The following CEP83 variants were observed in gnomAD, a reference collection of about 807,000 sequenced individuals.
The protein encoded by CEP83 is centrosomal protein 83.
Under a neutral mutation model 101.9 loss-of-function variants are expected in CEP83, and 70 were observed. That is an observed-to-expected ratio of 0.69 (90% CI 0.57 to 0.84). CEP83 has a LOEUF of 0.84. CEP83 is among the 40% of genes least tolerant of loss of function. CEP83 has a pLI of 0.00. For synonymous variants in CEP83, 264 were observed against 267.9 expected (o/e 0.99, Z 0.14); for missense variants, 715 against 787.2 (o/e 0.91, Z 1.10).
At chr12:94,329,053 G>A (rs7305280) in intron 14 of CEP83, among the ~76,000 whole-genome samples, 3,931 of 152,218 alleles carry the variant, frequency 0.026, 187 homozygotes, top group African/African-American at 0.09. Flanking sequence ...GTCCCACATA[G>A]TAGGACAATT....
intron 2 of CEP83, among the ~76,000 whole-genome samples, chr12:94,425,281 A>G (rs2065109083): frequency 6.6e-6 from 1 of 152,196 alleles, no homozygotes; most frequent in Non-Finnish European, 1.5e-5. Flanking sequence ...TGCTTGGACC[A>G]AGAAATGGGG....
At chr12:94,279,065 G>A in the CEP83 span, among the ~76,000 whole-genome samples, 2 of 151,788 alleles carry the variant, frequency 1.3e-5, no homozygotes, top group Non-Finnish European at 2.9e-5. Flanking sequence ...ACCTAGAACT[G>A]CACTTCTGGG....
At chr12:94,386,824 T>C (rs2062175309) in intron 6 of CEP83, among the ~76,000 whole-genome samples, 2 of 152,326 alleles carry the variant, frequency 1.3e-5, no homozygotes, top group South Asian at 2.1e-4. Context: ...TCTTCTCATT[T>C]ATAAAATGAA....
Position 94,330,941 on chromosome 12 carries a change from T to C in CEP83, c.1707+759A>G, listed in dbSNP as rs2059171141. Among the ~76,000 whole-genome samples the C allele has an allele frequency of 3.3e-5, 5 of 152,134 alleles. No individual in the cohort carries two copies. The South Asian group carries it at 1.0e-3, about 31-fold the overall frequency. On this transcript the variant is annotated intron_variant, in intron 14 of 16. Transcript: ENST00000397809. ...GACAGCAAAATGTCATGCTTATATATCAAATTAAACATATCACTAAAATCT... is the reference window on the plus strand; with the variant it reads ...GACAGCAAAATGTCATGCTTATATACCAAATTAAACATATCACTAAAATCT...
chr12:94,448,492 C>T (rs181211642), intron 1 of CEP83, among the ~76,000 whole-genome samples: 12 of 152,142 alleles, frequency 7.9e-5, no homozygotes, highest in Admixed American at 2.6e-4. Context: ...AACCTTTTTA[C>T]AAACACAAGG....
At chr12:94,404,462 A>C (rs888627890) in intron 4 of CEP83, among the ~76,000 whole-genome samples, 1 of 152,180 alleles carries the variant, frequency 6.6e-6, no homozygotes, top group South Asian at 2.1e-4. Flanking sequence ...GGTGAGTTAA[A>C]GCCATTTTGA....
intron 1 of CEP83, among the ~76,000 whole-genome samples, chr12:94,445,257 C>A (rs751806867): frequency 7.0e-6 from 1 of 142,910 alleles, no homozygotes; most frequent in Non-Finnish European, 1.5e-5. Flanking sequence ...GGTCCTGGAA[C>A]AATTGCCTTT....
At chr12:94,449,411 A>G (rs1594138609) in intron 1 of CEP83, among the ~76,000 whole-genome samples, 1 of 152,112 alleles carries the variant, frequency 6.6e-6, no homozygotes, top group East Asian at 1.9e-4. Context: ...CATATACCCA[A>G]AATTCCTTAA....
chr12:94,352,708 T>C (rs914132785), intron 11 of CEP83, among the ~76,000 whole-genome samples: 1 of 151,850 alleles, frequency 6.6e-6, no homozygotes, highest in Non-Finnish European at 1.5e-5. Context: ...AAATTAAAAA[T>C]ACAATCAAGA....
chr12:94,274,498 C>G, the CEP83 span, among the ~76,000 whole-genome samples: 1 of 152,182 alleles, frequency 6.6e-6, no homozygotes, highest in Admixed American at 6.5e-5. Context: ...GGAGGGATGG[C>G]TGCTGGTTGG....
intron 12 of CEP83, among the ~76,000 whole-genome samples, chr12:94,334,009 G>A (rs544104172): frequency 2.5e-4 from 37 of 150,734 alleles, no homozygotes; most frequent in African/African-American, 8.8e-4. Context: ...CACCTCCTAG[G>A]AAAAAAAACT....
At chr12:94,318,387 T>C (rs1261956259) in intron 14 of CEP83, among the ~76,000 whole-genome samples, 6 of 152,190 alleles carry the variant, frequency 3.9e-5, no homozygotes, top group African/African-American at 1.2e-4. Flanking sequence ...CTCCTCCTAC[T>C]TGGATGCCCT....
At chr12:94,449,820 A>C (rs1478564175) in intron 1 of CEP83, among the ~76,000 whole-genome samples, 2 of 149,610 alleles carry the variant, frequency 1.3e-5, no homozygotes, top group East Asian at 3.9e-4. Flanking sequence ...ATTTTACAGC[A>C]TGACCAAGTG....
In CEP83 at chr12:94,328,845, C is replaced by G. The variant is rs117059609; in HGVS notation, c.1707+2855G>C. 7.9e-4 allele frequency among the ~76,000 whole-genome samples: 120 copies of G among 152,312 alleles called. 1 individual carries two copies. The East Asian group carries it at 0.022, about 28-fold the overall frequency. On this transcript the variant is annotated intron_variant, in intron 14 of 16. Coordinates refer to ENST00000397809, the MANE Select transcript of CEP83 (RefSeq NM_016122.3). ...AGAACAGAAACATGTAGATTTTAGT[C>G]AACTTTTGATTCTTACTAGTTAAGT...
chr12:94,367,750 C>G, intron 11 of CEP83, 44 bp downstream of exon 11: 1 of 1,435,216 alleles, frequency 7.0e-7, no homozygotes, highest in Non-Finnish European at 9.4e-7. Context: ...TAACTCTGAC[C>G]TTATTTCAAC....
the CEP83 span, chr12:94,282,424 T>C: frequency 2.7e-6 from 4 of 1,468,482 alleles, no homozygotes; most frequent in Non-Finnish European, 3.8e-6. Context: ...CTTGACCCCG[T>C]GTCTCCTTCC....
At chr12:94,419,788 C>A (rs1365556988) in intron 2 of CEP83, among the ~76,000 whole-genome samples, 3 of 151,974 alleles carry the variant, frequency 2.0e-5, no homozygotes, top group African/African-American at 4.8e-5. Context: ...AACTAGATAA[C>A]CTTGTAGAAA....
chr12:94,427,279 T>C (rs922904564), intron 2 of CEP83, among the ~76,000 whole-genome samples: 5 of 152,258 alleles, frequency 3.3e-5, no homozygotes, highest in Non-Finnish European at 7.3e-5. Context: ...TGAAAATTTT[T>C]TAAAGTAAAG....
At chr12:94,265,932 G>A in the CEP83 span, among the ~76,000 whole-genome samples, 5 of 152,198 alleles carry the variant, frequency 3.3e-5, no homozygotes, top group African/African-American at 4.8e-5. Flanking sequence ...AGCCAAGCAG[G>A]GAAGGTAACT....
Sources: gnomAD v4.1 joint callset for allele counts (sites outside exome capture counted in the v4.1 genomes callset) on GRCh38, gnomAD v4.1.1 for gene constraint, MANE v1.5 for transcripts, NCBI Gene and HGNC (gene_info 2026-07-23, HGNC 2026-07-21) for gene names.